GCC2: variants seen among roughly 807,000 people sequenced by gnomAD.
GCC2 encodes GRIP and coiled-coil domain containing 2, also known as GRIP and coiled-coil domain-containing protein 2.
GCC2 carries 120 observed loss-of-function variants against 210.6 expected under a neutral mutation model. The observed-to-expected ratio is 0.57, with a 90% CI of 0.49 to 0.66. The LOEUF is 0.66. Among genes scored for constraint, GCC2 ranks in the 30% least tolerant of loss-of-function variants. The pLI, the probability that GCC2 is intolerant of heterozygous loss-of-function variation, is 0.00. For synonymous variants in GCC2, 703 were observed against 652.7 expected, an observed-to-expected ratio of 1.08 and a Z score of -1.17; for missense variants, 1,868 against 1,871.9, an observed-to-expected ratio of 1.00 and a Z score of 0.04.
Position 108,469,679 on chromosome 2 carries a change from A to G in GCC2, c.350A>G (p.His117Arg). 1.2e-6 allele frequency: 2 copies of G among 1,602,276 alleles called. No homozygotes were observed. Among genetic ancestry groups the G allele is most frequent in the Admixed American group, 1.7e-5 (1 of 57,306 alleles). The change falls in exon 6 of 23, where the codon CAT (histidine) becomes CGT (arginine). Residue 117 changes from histidine to arginine, a missense_variant. Physicochemically the swap from His to Arg is conservative, Grantham distance 29 (BLOSUM62 0). Coordinates refer to ENST00000309863, the MANE Select transcript of GCC2 (RefSeq NM_181453.4). Reference sequence around the variant, plus strand: ...TCTGTAACAAAGATGGGAGATGCACATAAGGAGTTGGAACAATCACATATA... The same window carrying G: ...TCTGTAACAAAGATGGGAGATGCACGTAAGGAGTTGGAACAATCACATATA... ...EDSVTKMGDA[H>R]KELEQSHINY...
intron 22 of GCC2, among the ~76,000 whole-genome samples, chr2:108,503,040 A>T (rs1164801580): frequency 6.6e-6 from 1 of 152,234 alleles, no homozygotes; most frequent in East Asian, 1.9e-4. Flanking sequence ...GTTTTTACTA[A>T]TTGAAGTTCT....
At chr2:108,466,598 G>A (rs1253013769) in intron 4 of GCC2, among the ~76,000 whole-genome samples, 6 of 151,592 alleles carry the variant, frequency 4.0e-5, no homozygotes, top group South Asian at 4.2e-4. Context: ...TCAGCCTCCC[G>A]AGTAGCTGGG....
At position 108,507,581 on chromosome 2, in the gene GCC2, GTTC is replaced by G; in HGVS notation, c.5011_5013del (p.Ser1671del). The G allele has an allele frequency of 1.9e-6, 3 of 1,595,032 alleles. No individual in the cohort carries two copies. The highest frequency in any genetic ancestry group is 8.6e-7 in the Non-Finnish European group (1 of 1,168,196). On this transcript the variant is annotated inframe_deletion, in exon 23 of 23. Coordinates refer to ENST00000309863, the MANE Select transcript of GCC2 (RefSeq NM_181453.4). ...AAAGGTGAGGAAGAAAATGCTTCCC[GTTC>G]TTCTGGATGGGCATCCTATCTTCAT...
Position 108,471,884 on chromosome 2 carries a change from CAGAAAA to C in GCC2, c.2559_2564del (p.Lys854_Glu855del). 6.2e-7 allele frequency: 1 copy of C among 1,607,402 alleles called. No individual in the cohort carries two copies. Among genetic ancestry groups the C allele is most frequent in the Non-Finnish European group, 8.5e-7 (1 of 1,177,970 alleles). On this transcript the variant is annotated inframe_deletion, in exon 6 of 23. Coordinates refer to ENST00000309863, the MANE Select transcript of GCC2 (RefSeq NM_181453.4). ...AGGAAAGAGTTAGAAGAAATACAGTCAGAAAAAGAGGCCCTGCAGTCTGATCTTCTA... is the reference window on the plus strand; with the variant it reads ...AGGAAAGAGTTAGAAGAAATACAGTCAGAGGCCCTGCAGTCTGATCTTCTA...
intron 10 of GCC2, 33 bp from the exon 11 acceptor site, chr2:108,482,254 A>G: frequency 1.5e-6 from 2 of 1,319,740 alleles, no homozygotes; most frequent in Non-Finnish European, 2.1e-6. Flanking sequence ...TGTTTTTTGC[A>G]TGTTTATAGT....
chr2:108,477,052 T>G lies in GCC2; in HGVS notation c.3060+1202T>G, dbSNP rs183660579. Among the ~76,000 whole-genome samples, 3 of 152,348 alleles carry G rather than the reference T, an allele frequency of 2.0e-5. No homozygotes were observed. The East Asian group carries it at 5.8e-4, about 29-fold the overall frequency. On this transcript the variant is annotated intron_variant, in intron 9 of 22. Transcript: ENST00000309863. Reference sequence around the variant, plus strand: ...TTGAACTATCAGTTCTCAGATTGGTTTATAAATTCTAAGAGAAATTCATTG... The same window carrying G: ...TTGAACTATCAGTTCTCAGATTGGTGTATAAATTCTAAGAGAAATTCATTG...
In GCC2 at chr2:108,470,830, A is replaced by G; in HGVS notation, c.1501A>G (p.Ile501Val). 1.2e-6 allele frequency: 2 copies of G among 1,613,896 alleles called. No individual in the cohort carries two copies. The highest frequency in any genetic ancestry group is 1.7e-5 in the Admixed American group (1 of 60,020). ...AGAACTGGGGGAATCTGCTGGAAAA[A>G]TAAGTCAAGAGTTCGAATCAATGAA... ...QTELGESAGK[I>V]SQEFESMKQQ... The change falls in exon 6 of 23, where the codon ATA becomes GTA. Residue 501 changes from isoleucine (I) to valine (V), a missense_variant. Physicochemically the swap from Ile to Val is conservative, Grantham distance 29. This residue lies in a region of GCC2 where 1,847 missense variants were observed against 1,765.2 expected (regional missense o/e 1.05). Coordinates refer to ENST00000309863, the MANE Select transcript of GCC2 (RefSeq NM_181453.4).
chr2:108,452,875 G>A (rs1410738953), intron 4 of GCC2, among the ~76,000 whole-genome samples: 1 of 151,866 alleles, frequency 6.6e-6, no homozygotes, highest in Non-Finnish European at 1.5e-5. Context: ...TGTATTTTAA[G>A]TAGAGACGGG....
chr2:108,456,787 A>G (rs909571216), intron 4 of GCC2, among the ~76,000 whole-genome samples: 1 of 152,014 alleles, frequency 6.6e-6, no homozygotes, highest in Admixed American at 6.6e-5. Flanking sequence ...CCGTTTCTAC[A>G]AAAAAATATA....
chr2:108,496,955 A>G lies in GCC2; in HGVS notation c.4643-15A>G. On this transcript the variant is annotated splice_polypyrimidine_tract_variant and intron_variant, in intron 20 of 22. Coordinates refer to ENST00000309863, the MANE Select transcript of GCC2 (RefSeq NM_181453.4). ...TATGATTTTGAAAATTAATTCTTGG[A>G]ACAACATGTTGCAGAGCCTCCATTA... The G allele has an allele frequency of 6.3e-7, 1 of 1,592,560 alleles. No homozygotes were observed. Among genetic ancestry groups the G allele is most frequent in the Non-Finnish European group, 8.6e-7 (1 of 1,166,436 alleles).
chr2:108,506,883 T>A (rs1206643226), intron 22 of GCC2, among the ~76,000 whole-genome samples: 1 of 152,138 alleles, frequency 6.6e-6, no homozygotes, highest in Non-Finnish European at 1.5e-5. Flanking sequence ...AGAAGAAGAA[T>A]TTCTTATGTG....
chr2:108,450,556 G>A (rs1679879354), intron 2 of GCC2, among the ~76,000 whole-genome samples: 1 of 152,202 alleles, frequency 6.6e-6, no homozygotes, highest in Admixed American at 6.5e-5. Context: ...TAGTTGCATA[G>A]CAATTACAGA....
At chr2:108,475,022 C>T (rs939418775) in intron 7 of GCC2, 2 of 152,142 alleles carry the variant, frequency 1.3e-5, no homozygotes, top group Non-Finnish European at 2.9e-5. Context: ...GAAACAAATA[C>T]CAAGAAGTCC....
At chr2:108,463,457 T>C (rs1295719663) in intron 4 of GCC2, among the ~76,000 whole-genome samples, 3 of 152,220 alleles carry the variant, frequency 2.0e-5, no homozygotes, top group Non-Finnish European at 2.9e-5. Flanking sequence ...GTATGACTTA[T>C]TTGGCTGTAA....
At chr2:108,492,129 G>A (rs1244445641) in intron 18 of GCC2, among the ~76,000 whole-genome samples, 1 of 150,546 alleles carries the variant, frequency 6.6e-6, no homozygotes, top group African/African-American at 2.4e-5. Flanking sequence ...GAGTAAATCA[G>A]AAGAGTGTGG....
In GCC2 at chr2:108,469,615, C is replaced by T. The variant is rs755093633; in HGVS notation, c.322-36C>T. 3.6e-5 allele frequency: 53 copies of T among 1,469,876 alleles called. No individual in the cohort carries two copies. In the East Asian group the frequency reaches 8.2e-4, roughly 23 times the overall value. The allele number at this position is 1,469,876 out of a possible 1,614,324, so 91.1% of individuals were successfully genotyped here. ...AAGGTCAGAGGCTCCTTTTGTCTTA[C>T]TTAAATAATTTATGTGTGCTTATTT... is the stretch of plus-strand genomic sequence containing the variant. On this transcript the variant is annotated intron_variant, in intron 5 of 22. Transcript: ENST00000309863.
At chr2:108,453,616 C>A (rs1181120323) in intron 4 of GCC2, among the ~76,000 whole-genome samples, 3 of 152,130 alleles carry the variant, frequency 2.0e-5, no homozygotes, top group Non-Finnish European at 4.4e-5. Context: ...GAAACCCTGT[C>A]TGTACTAAAA....
chr2:108,455,243 C>G (rs1358699781), intron 4 of GCC2, among the ~76,000 whole-genome samples: 1 of 152,060 alleles, frequency 6.6e-6, no homozygotes, highest in Non-Finnish European at 1.5e-5. Flanking sequence ...AATTGGAGAC[C>G]AGCCTGGCCA....
In GCC2 at chr2:108,471,846, G is replaced by C. The variant is rs370623394; in HGVS notation, c.2517G>C (p.Glu839Asp). The C allele has an allele frequency of 6.2e-7, 1 of 1,613,332 alleles. No homozygotes were observed. The highest frequency in any genetic ancestry group is 1.3e-5 in the African/African-American group (1 of 74,878). ...CTTTATTGAGAGACTATGAGCAAGA[G>C]AAAGTTCTCTTAAGGAAAGAGTTAG... Reference protein sequence around the residue: ...LKSLLRDYEQEKVLLRKELEE... With the variant: ...LKSLLRDYEQDKVLLRKELEE... Residue 839 changes from glutamate (E) to aspartate (D), a missense_variant, in exon 6 of 23, where the codon GAG (glutamate) becomes GAC (aspartate). Glu to Asp is a conservative substitution (Grantham distance 45). This residue lies in a region of GCC2 where 1,847 missense variants were observed against 1,765.2 expected (regional missense o/e 1.05). Coordinates refer to ENST00000309863, the MANE Select transcript of GCC2 (RefSeq NM_181453.4).
Sources: allele counts gnomAD v4.1 joint callset (sites outside exome capture counted in the v4.1 genomes callset), GRCh38; gene constraint gnomAD v4.1.1; regional missense constraint gnomAD v4.1.1; transcripts MANE v1.5; gene names NCBI Gene and HGNC (gene_info 2026-07-23, HGNC 2026-07-21).